LINGO2: variants seen among roughly 807,000 people sequenced by gnomAD.
LINGO2 encodes the protein leucine-rich repeat and immunoglobulin-like domain-containing nogo receptor-interacting protein 2.
In LINGO2, 14 loss-of-function variants were observed where a neutral mutation model predicts 30.6. The ratio of observed to expected loss-of-function variants is 0.46; its 90% CI spans 0.30 to 0.72. The LOEUF (loss-of-function observed/expected upper bound fraction) is 0.72. LINGO2 is among the 30% of genes least tolerant of loss of function. The pLI, the probability that LINGO2 is intolerant of heterozygous loss-of-function variation, is 0.07. For synonymous variants in LINGO2, 317 were observed against 288.5 expected, an observed-to-expected ratio of 1.10 and a Z score of -1.00; for missense variants, 729 against 751.7, an observed-to-expected ratio of 0.97 and a Z score of 0.35.
chr9:27,965,528 A>G (rs1280288686), intron 5 of LINGO2, among the ~76,000 whole-genome samples: 2 of 151,978 alleles, frequency 1.3e-5, no homozygotes, highest in Admixed American at 6.6e-5. Flanking sequence ...TATCTATCTG[A>G]AAACATGAAT....
chr9:28,575,392 G>A (rs1453484532), intron 1 of LINGO2, among the ~76,000 whole-genome samples: 4 of 88,606 alleles, frequency 4.5e-5, no homozygotes, highest in Non-Finnish European at 8.0e-5. Context: ...GACAGACTCC[G>A]TCTCAAAAAA....
chr9:28,916,167 GA>G, the LINGO2 span, among the ~76,000 whole-genome samples: 1 of 152,144 alleles, frequency 6.6e-6, no homozygotes, highest in Admixed American at 6.5e-5. Flanking sequence ...TGACAAAGCA[GA>G]CGCTTTGTTA....
the LINGO2 span, among the ~76,000 whole-genome samples, chr9:28,994,948 C>T: frequency 1.3e-5 from 2 of 152,172 alleles, no homozygotes; most frequent in Non-Finnish European, 2.9e-5. Flanking sequence ...CCATTCAGGA[C>T]ATAGGCATGG....
intron 1 of LINGO2, among the ~76,000 whole-genome samples, chr9:28,534,211 C>G (rs1051928921): frequency 6.6e-6 from 1 of 152,062 alleles, no homozygotes; most frequent in Non-Finnish European, 1.5e-5. Flanking sequence ...GGCTGGAGTA[C>G]AGAAGCACAA....
intron 4 of LINGO2, among the ~76,000 whole-genome samples, chr9:28,201,118 G>A (rs1820216607): frequency 6.8e-6 from 1 of 146,764 alleles, no homozygotes. Context: ...GGGTACATGT[G>A]CACATTGTGC....
At chr9:28,175,814 C>G (rs988297805) in intron 4 of LINGO2, among the ~76,000 whole-genome samples, 1 of 152,182 alleles carries the variant, frequency 6.6e-6, no homozygotes, top group Non-Finnish European at 1.5e-5. Flanking sequence ...CTCCAGCGCT[C>G]TTAGGTGTTT....
chr9:28,511,745 CA>C (rs1820394205), intron 1 of LINGO2, among the ~76,000 whole-genome samples: 1 of 152,192 alleles, frequency 6.6e-6, no homozygotes, highest in Non-Finnish European at 1.5e-5. Flanking sequence ...CCAGCCAAAC[CA>C]CTGGCTACAG....
At chr9:27,988,611 T>G (rs977857146) in intron 5 of LINGO2, among the ~76,000 whole-genome samples, 1 of 152,010 alleles carries the variant, frequency 6.6e-6, no homozygotes, top group African/African-American at 2.4e-5. Context: ...TGATGAGCAT[T>G]TTTTCATGTC....
At chr9:28,042,329 A>G (rs1430807971) in intron 4 of LINGO2, among the ~76,000 whole-genome samples, 2 of 152,190 alleles carry the variant, frequency 1.3e-5, no homozygotes, top group African/African-American at 4.8e-5. Flanking sequence ...CTCTACCCTG[A>G]GGAAATCAAT....
At chr9:29,103,124 T>C in the LINGO2 span, among the ~76,000 whole-genome samples, 35,709 of 151,808 alleles carry the variant, frequency 0.24, 4,303 homozygotes, top group East Asian at 0.4. Flanking sequence ...ACTACTAATA[T>C]AATTCTATTC....
rs139009947 is a variant in LINGO2, at chr9:28,551,003, C to T, written c.-364-74978G>A. The stretch of plus-strand genomic sequence containing the variant: ...TCCAGCATGAATACAAATGAGAATA[C>T]AAATTTTGTAATTGCTTGTAATCTT... On this transcript the variant is annotated intron_variant, in intron 1 of 5. Coordinates refer to ENST00000379992, the Ensembl canonical transcript of LINGO2. Among the ~76,000 whole-genome samples, 9 of 151,850 alleles carry T rather than the reference C, an allele frequency of 5.9e-5. No homozygotes were observed. In the East Asian group the frequency reaches 1.2e-3, roughly 20 times the overall value.
the LINGO2 span, among the ~76,000 whole-genome samples, chr9:28,779,186 T>A: frequency 3.3e-5 from 5 of 152,192 alleles, no homozygotes; most frequent in African/African-American, 1.2e-4. Flanking sequence ...TTAAAATAAT[T>A]TATTTCATTT....
intron 1 of LINGO2, among the ~76,000 whole-genome samples, chr9:28,621,346 T>A (rs1315035294): frequency 6.6e-6 from 1 of 151,962 alleles, no homozygotes; most frequent in Non-Finnish European, 1.5e-5. Flanking sequence ...TATAGAGTCA[T>A]ACCATAACAA....
At chr9:28,912,328 T>A in the LINGO2 span, among the ~76,000 whole-genome samples, 1 of 152,118 alleles carries the variant, frequency 6.6e-6, no homozygotes, top group African/African-American at 2.4e-5. Context: ...TTTGCCTTTG[T>A]TGGGTTTGTT....
intron 4 of LINGO2, among the ~76,000 whole-genome samples, chr9:28,234,067 G>T (rs930369268): frequency 1.3e-5 from 2 of 152,130 alleles, no homozygotes; most frequent in African/African-American, 4.8e-5. Flanking sequence ...GAAAAGTAAG[G>T]GGGACTTTGT....
intron 5 of LINGO2, among the ~76,000 whole-genome samples, chr9:28,011,761 A>G (rs16912242): frequency 0.015 from 2,317 of 152,318 alleles, 68 homozygotes; most frequent in African/African-American, 0.053. Context: ...AAACTGTGAG[A>G]AAGCCTCAGG....
intron 5 of LINGO2, among the ~76,000 whole-genome samples, chr9:27,960,310 TTCACAG>T (rs1486566397): frequency 6.6e-6 from 1 of 152,212 alleles, no homozygotes; most frequent in Admixed American, 6.5e-5. Context: ...TGCTTCAGTA[TTCACAG>T]TCCACTGGAA....
the LINGO2 span, among the ~76,000 whole-genome samples, chr9:28,855,073 G>A: frequency 0.63 from 95,398 of 151,760 alleles, 30,975 homozygotes; most frequent in East Asian, 0.78. Context: ...CAAGTCCTGG[G>A]ACCAAATATA....
intron 4 of LINGO2, among the ~76,000 whole-genome samples, chr9:28,121,277 C>CT (rs1429073509): frequency 6.6e-6 from 1 of 152,088 alleles, no homozygotes; most frequent in Non-Finnish European, 1.5e-5. Flanking sequence ...AGCAAATCCG[C>CT]TTTTCTGTAA....
Sources: allele counts gnomAD v4.1 joint callset (sites outside exome capture counted in the v4.1 genomes callset), GRCh38; gene constraint gnomAD v4.1.1; transcripts MANE v1.5; gene names NCBI Gene and HGNC (gene_info 2026-07-23, HGNC 2026-07-21).